The following TRAPPC9 variants were observed in gnomAD, a reference collection of about 807,000 sequenced individuals.
The protein encoded by TRAPPC9 is IKK2 binding protein.
Under a neutral mutation model 124.0 loss-of-function variants are expected in TRAPPC9, and 83 were observed. The ratio of observed to expected loss-of-function variants is 0.67; its 90% CI spans 0.56 to 0.80. TRAPPC9 has a LOEUF of 0.80. Among genes scored for constraint, TRAPPC9 ranks in the 30% least tolerant of loss-of-function variants. TRAPPC9 has a pLI of 0.00. For missense variants in TRAPPC9, 1,302 were observed against 1,508.3 expected (o/e 0.86, Z 2.27); for synonymous variants, 638 against 617.5 (o/e 1.03, Z -0.49).
At position 139,867,007 on chromosome 8, in the gene TRAPPC9, G is replaced by C. The variant is rs138095950; in HGVS notation, c.3055+18872C>G. 7.9e-3 allele frequency among the ~76,000 whole-genome samples: 1,195 copies of C among 152,196 alleles called. 15 individuals are homozygous for C. The highest frequency in any genetic ancestry group is 0.027 in the African/African-American group (1,135 of 41,518). On this transcript the variant is annotated intron_variant, in intron 21 of 22. Transcript: ENST00000438773. ...CCACCACCACAGCTGGCTAGTTTTT[G>C]TATTTTTAGTAGAGATGGGGTTTCA...
rs113949678 is a variant in TRAPPC9, at chr8:139,789,284, C to T, written c.3056-57082G>A. ...TCTGGTGCTGCCTTGAGGGGAGCTG[C>T]GTGGTTGGGTTGTGAGATGGAAACT... On this transcript the variant is annotated intron_variant, in intron 21 of 22. Transcript: ENST00000438773. Among the ~76,000 whole-genome samples, 766 of 152,288 alleles carry T rather than the reference C, an allele frequency of 5.0e-3. 6 individuals are homozygous for T. Among genetic ancestry groups the T allele is most frequent in the African/African-American group, 0.017 (714 of 41,562 alleles).
At chr8:140,285,012 CTTAAT>C (rs2065443762) in intron 13 of TRAPPC9, among the ~76,000 whole-genome samples, 1 of 152,198 alleles carries the variant, frequency 6.6e-6, no homozygotes, top group South Asian at 2.1e-4. Context: ...TTTTGCAATT[CTTAAT>C]TTAAGTCAGT....
chr8:140,168,587 G>C (rs1230463757), intron 17 of TRAPPC9, among the ~76,000 whole-genome samples: 1 of 152,158 alleles, frequency 6.6e-6, no homozygotes, highest in African/African-American at 2.4e-5. Flanking sequence ...GAGTTAGGAG[G>C]GCTCTTTGAT....
intron 2 of TRAPPC9, among the ~76,000 whole-genome samples, chr8:140,443,864 C>A (rs1476851425): frequency 1.3e-5 from 2 of 150,818 alleles, no homozygotes; most frequent in Non-Finnish European, 2.9e-5. Flanking sequence ...TGGTGAAACC[C>A]CATCTCTACT....
chr8:140,448,514 A>C (rs2071346524), intron 2 of TRAPPC9, among the ~76,000 whole-genome samples: 1 of 152,264 alleles, frequency 6.6e-6, no homozygotes, highest in African/African-American at 2.4e-5. Context: ...CTGCAACCTC[A>C]CAGCCAAGAA....
At chr8:140,316,774 A>C (rs1452589775) in intron 9 of TRAPPC9, among the ~76,000 whole-genome samples, 1 of 152,186 alleles carries the variant, frequency 6.6e-6, no homozygotes, top group Non-Finnish European at 1.5e-5. Context: ...GCTTCACAGA[A>C]TGAGTTTGGA....
intron 17 of TRAPPC9, among the ~76,000 whole-genome samples, chr8:140,062,927 G>T (rs1842710728): frequency 6.6e-6 from 1 of 152,126 alleles, no homozygotes; most frequent in Admixed American, 6.5e-5. Flanking sequence ...CCAAGACTGG[G>T]TAATTTATAA....
intron 17 of TRAPPC9, among the ~76,000 whole-genome samples, chr8:140,176,916 T>C (rs1425120468): frequency 1.3e-5 from 2 of 152,252 alleles, no homozygotes. Flanking sequence ...ATGCTGAGCA[T>C]CTTTTCATGT....
At chr8:140,393,957 C>T (rs957141865) in intron 7 of TRAPPC9, among the ~76,000 whole-genome samples, 2 of 152,092 alleles carry the variant, frequency 1.3e-5, no homozygotes, top group African/African-American at 4.8e-5. Context: ...CTGCACTGTC[C>T]CCGCCCGCCC....
intron 5 of TRAPPC9, among the ~76,000 whole-genome samples, chr8:140,418,799 T>C (rs1320961380): frequency 1.3e-5 from 2 of 151,418 alleles, no homozygotes; most frequent in Non-Finnish European, 3.0e-5. Context: ...GATGCAAATA[T>C]CCTCAATAAA....
chr8:140,218,670 C>T (rs771778686), intron 17 of TRAPPC9, among the ~76,000 whole-genome samples: 2 of 151,970 alleles, frequency 1.3e-5, no homozygotes, highest in Non-Finnish European at 2.9e-5. Flanking sequence ...TCAAAAATAA[C>T]AGTGGGAGGC....
chr8:140,302,201 G>A (rs1488739792), intron 10 of TRAPPC9, among the ~76,000 whole-genome samples: 1 of 152,182 alleles, frequency 6.6e-6, no homozygotes, highest in Non-Finnish European at 1.5e-5. Context: ...CGGGGAGCCT[G>A]CCACATGCGT....
chr8:140,079,556 C>G (rs933973204), intron 17 of TRAPPC9, among the ~76,000 whole-genome samples: 17 of 152,192 alleles, frequency 1.1e-4, no homozygotes, highest in African/African-American at 4.1e-4. Context: ...TCTCCCTACA[C>G]CCAAGGACCT....
intron 19 of TRAPPC9, among the ~76,000 whole-genome samples, chr8:139,970,653 G>T (rs1287582696): frequency 1.3e-5 from 2 of 152,158 alleles, no homozygotes; most frequent in Non-Finnish European, 2.9e-5. Context: ...GCCTTACAGG[G>T]TTATAATCAG....
chr8:140,293,179 C>A (rs2065711154), intron 11 of TRAPPC9, among the ~76,000 whole-genome samples: 1 of 148,162 alleles, frequency 6.7e-6, no homozygotes, highest in Admixed American at 6.6e-5. Flanking sequence ...CATCTCACAC[C>A]AGTTAGAATG....
Position 140,087,412 on chromosome 8 carries a change from G to A in TRAPPC9, c.2557-63333C>T, listed in dbSNP as rs1236731100. 2.6e-5 allele frequency among the ~76,000 whole-genome samples: 4 copies of A among 152,218 alleles called. No individual in the cohort carries two copies. In the East Asian group the frequency reaches 7.7e-4, roughly 29 times the overall value. ...CTCCCTCCAGCCCAGACCTCTCCCT[G>A]GAGCACAGATGGAACACCAACAGGC... On this transcript the variant is annotated intron_variant, in intron 17 of 22. Transcript: ENST00000438773. The surrounding 1 kb of genome is among the most constrained non-coding windows in gnomAD (Gnocchi z 4.6).
chr8:140,342,140 T>C (rs1481619560), intron 9 of TRAPPC9, among the ~76,000 whole-genome samples: 1 of 152,130 alleles, frequency 6.6e-6, no homozygotes, highest in Non-Finnish European at 1.5e-5. Context: ...CAGCAGATGG[T>C]GGGCGGGCAA....
chr8:140,287,765 G>A (rs375677755), intron 12 of TRAPPC9, 31 bp from the exon 13 acceptor site: 45 of 1,613,526 alleles, frequency 2.8e-5, no homozygotes, highest in Middle Eastern at 3.3e-4. Context: ...TCGTAAGCCC[G>A]GAGCAAACCT....
At chr8:140,134,312 G>T (rs1245166450) in intron 17 of TRAPPC9, among the ~76,000 whole-genome samples, 3 of 152,046 alleles carry the variant, frequency 2.0e-5, no homozygotes. Context: ...TGTCACCCAG[G>T]CTAGAATGCT....
Sources: gnomAD v4.1 joint callset for allele counts (sites outside exome capture counted in the v4.1 genomes callset) on GRCh38, gnomAD v4.1.1 for gene constraint, Gnocchi (gnomAD v3.1) non-coding constraint, MANE v1.5 for transcripts, NCBI Gene and HGNC (gene_info 2026-07-23, HGNC 2026-07-21) for gene names.